Variants in VPS13B observed in about 807,000 individuals in gnomAD.
The protein encoded by VPS13B is vacuolar protein sorting 13 homolog B.
In VPS13B, 285 loss-of-function variants were observed where a neutral mutation model predicts 426.4. That is an observed-to-expected ratio of 0.67 (90% CI 0.61 to 0.74). The LOEUF (loss-of-function observed/expected upper bound fraction) is 0.74, where lower values mean the gene tolerates loss of function less well. VPS13B is among the 30% of genes least tolerant of loss of function. VPS13B has a pLI of 0.00. For missense variants in VPS13B, 4,537 were observed against 4,782.6 expected (o/e 0.95, Z 1.51); for synonymous variants, 1,676 against 1,676.4 (o/e 1.00, Z 0.01).
chr8:99,473,262 G>A (rs569214616), intron 24 of VPS13B, among the ~76,000 whole-genome samples: 1 of 151,936 alleles, frequency 6.6e-6, no homozygotes, highest in Non-Finnish European at 1.5e-5. Flanking sequence ...TTAACCAAAT[G>A]TTAACAAATC....
At chr8:99,237,370 T>G (rs1816701417) in intron 17 of VPS13B, among the ~76,000 whole-genome samples, 1 of 152,202 alleles carries the variant, frequency 6.6e-6, no homozygotes, top group Non-Finnish European at 1.5e-5. Context: ...TTATATCTCT[T>G]TAACATTTTA....
chr8:99,780,154 G>A (rs561845057), intron 42 of VPS13B, among the ~76,000 whole-genome samples: 116 of 151,982 alleles, frequency 7.6e-4, no homozygotes, highest in African/African-American at 2.5e-3. Context: ...AAGGACATGC[G>A]TAAAATAAGA....
chr8:99,129,896 G>C (rs1000379594), intron 8 of VPS13B, among the ~76,000 whole-genome samples: 3 of 151,962 alleles, frequency 2.0e-5, no homozygotes, highest in Admixed American at 6.6e-5. Context: ...TGCACCTGTA[G>C]TCCTAACTAC....
intron 19 of VPS13B, among the ~76,000 whole-genome samples, chr8:99,358,702 G>A (rs1812326971): frequency 6.6e-6 from 1 of 152,186 alleles, no homozygotes; most frequent in African/African-American, 2.4e-5. Flanking sequence ...CTGAAGAATA[G>A]CAGACAGTTA....
intron 39 of VPS13B, among the ~76,000 whole-genome samples, chr8:99,726,945 G>T (rs546106394): frequency 2.6e-5 from 4 of 152,298 alleles, no homozygotes; most frequent in African/African-American, 9.6e-5. Context: ...AGAGATCTCT[G>T]TTATTTTTGC....
chr8:99,481,572 T>G, intron 24 of VPS13B, 27 bp from the exon 25 acceptor site: 2 of 1,609,184 alleles, frequency 1.2e-6, no homozygotes, highest in Non-Finnish European at 1.7e-6. Context: ...AAGACTTGTT[T>G]TCTTTTCTTT....
chr8:99,112,717 A>C (rs1441682421), intron 6 of VPS13B, among the ~76,000 whole-genome samples: 1 of 152,180 alleles, frequency 6.6e-6, no homozygotes, highest in African/African-American at 2.4e-5. Flanking sequence ...AAAGCAAGTA[A>C]TGGATATATG....
At chr8:99,083,506 G>A (rs1467726322) in intron 3 of VPS13B, among the ~76,000 whole-genome samples, 1 of 148,806 alleles carries the variant, frequency 6.7e-6, no homozygotes, top group East Asian at 2.0e-4. Context: ...GAATAGGAGT[G>A]GTGAGAGAGG....
intron 58 of VPS13B, among the ~76,000 whole-genome samples, chr8:99,865,954 C>T (rs1276274871): frequency 1.3e-5 from 2 of 152,214 alleles, no homozygotes; most frequent in Non-Finnish European, 2.9e-5. Context: ...TGGTGGTTTC[C>T]TGCTCCACAA....
At chr8:99,027,843 A>G (rs1159741995) in intron 2 of VPS13B, among the ~76,000 whole-genome samples, 2 of 151,952 alleles carry the variant, frequency 1.3e-5, no homozygotes, top group Non-Finnish European at 2.9e-5. Context: ...CAGCAGATAA[A>G]CAAGTGAACA....
intron 52 of VPS13B, among the ~76,000 whole-genome samples, chr8:99,833,329 A>G (rs1001936028): frequency 6.6e-6 from 1 of 152,232 alleles, no homozygotes; most frequent in African/African-American, 2.4e-5. Flanking sequence ...TGTCAAGAAT[A>G]ACTTAGTATA....
At chr8:99,548,187 A>G (rs773111667) in intron 30 of VPS13B, among the ~76,000 whole-genome samples, 11 of 151,980 alleles carry the variant, frequency 7.2e-5, no homozygotes, top group African/African-American at 2.2e-4. Context: ...TTATTCTGCA[A>G]TTGTTGTTTG....
chr8:99,541,650 C>T (rs1378708049), intron 30 of VPS13B, among the ~76,000 whole-genome samples: 1 of 152,062 alleles, frequency 6.6e-6, no homozygotes, highest in Non-Finnish European at 1.5e-5. Flanking sequence ...AACATTCATG[C>T]CGAAAGTAAA....
At chr8:99,577,939 T>G (rs150732944) in intron 33 of VPS13B, among the ~76,000 whole-genome samples, 129 of 152,266 alleles carry the variant, frequency 8.5e-4, no homozygotes, top group African/African-American at 3.0e-3. Flanking sequence ...AATCCTGGTA[T>G]AGCTTTCATT....
Position 99,511,375 on chromosome 8 carries a change from A to G in VPS13B, c.4496A>G (p.Lys1499Arg). ...CAAGCAAAACTACCAAAGACCCAAAAAGAGAAAAGAAAATCTCCTGGTCAG... is the reference window on the plus strand; with the variant it reads ...CAAGCAAAACTACCAAAGACCCAAAGAGAGAAAAGAAAATCTCCTGGTCAG... ...IFQAKLPKTQ[K>R]EKRKSPGQPM... is the part of the protein sequence containing the mutation. The change falls in exon 29 of 62, where the codon AAA becomes AGA. Residue 1499 changes from lysine to arginine, a missense_variant. By Grantham distance (26) the Lys-to-Arg change is conservative. This residue lies in a region of VPS13B where 4,311 missense variants were observed against 4,474.3 expected (regional missense o/e 0.96). Coordinates refer to ENST00000357162, the MANE Select transcript of VPS13B (RefSeq NM_152564.5). 1.2e-6 allele frequency: 2 copies of G among 1,614,004 alleles called. No individual in the cohort carries two copies. Among genetic ancestry groups the G allele is most frequent in the Non-Finnish European group, 1.7e-6 (2 of 1,179,978 alleles).
chr8:99,168,889 T>G (rs975744230), intron 15 of VPS13B, among the ~76,000 whole-genome samples: 2 of 152,066 alleles, frequency 1.3e-5, no homozygotes, highest in Non-Finnish European at 2.9e-5. Context: ...AAATGTTTTA[T>G]TTCTAAAACA....
chr8:99,416,408 C>G (rs1816007497), intron 21 of VPS13B, among the ~76,000 whole-genome samples: 1 of 152,060 alleles, frequency 6.6e-6, no homozygotes, highest in African/African-American at 2.4e-5. Context: ...ACTTCAGTCC[C>G]CTTTCCAGGG....
intron 29 of VPS13B, among the ~76,000 whole-genome samples, chr8:99,516,868 A>G (rs1822110440): frequency 6.6e-6 from 1 of 150,906 alleles, no homozygotes; most frequent in Non-Finnish European, 1.5e-5. Context: ...AAATCTTGCT[A>G]CATCATACTT....
intron 32 of VPS13B, 43 bp downstream of exon 32, chr8:99,575,827 ATTGCTCCTC>A (rs1444968958): frequency 2.5e-6 from 4 of 1,593,220 alleles, no homozygotes; most frequent in Non-Finnish European, 3.4e-6. Context: ...AAATAATGGA[ATTGCTCCTC>A]TTTGTATGTT....
Sources: allele counts gnomAD v4.1 joint callset (sites outside exome capture counted in the v4.1 genomes callset), GRCh38; gene constraint gnomAD v4.1.1; regional missense constraint gnomAD v4.1.1; transcripts MANE v1.5; gene names NCBI Gene and HGNC (gene_info 2026-07-23, HGNC 2026-07-21).